BCKDHB: variants seen among roughly 807,000 people sequenced by gnomAD.
The protein encoded by BCKDHB is 2-oxoisovalerate dehydrogenase subunit beta, mitochondrial.
Under a neutral mutation model 48.5 loss-of-function variants are expected in BCKDHB, and 41 were observed. The ratio of observed to expected loss-of-function variants is 0.85; its 90% CI spans 0.66 to 1.10. BCKDHB has a LOEUF of 1.10. Ranked by LOEUF, BCKDHB falls within the 50% of genes least tolerant of loss-of-function variation. The pLI, the probability that BCKDHB is intolerant of heterozygous loss-of-function variation, is 0.00. For missense variants in BCKDHB, 496 were observed against 494.2 expected, an observed-to-expected ratio of 1.00 and a Z score of -0.03; for synonymous variants, 201 against 174.8, an observed-to-expected ratio of 1.15 and a Z score of -1.18.
the BCKDHB span, among the ~76,000 whole-genome samples, chr6:80,399,257 A>G: frequency 6.8e-6 from 1 of 147,562 alleles, no homozygotes; most frequent in Non-Finnish European, 1.5e-5. Context: ...GACCAGAGCA[A>G]TCAGGCAAGA....
intron 9 of BCKDHB, among the ~76,000 whole-genome samples, chr6:80,314,653 T>C (rs1768343435): frequency 6.6e-6 from 1 of 152,178 alleles, no homozygotes; most frequent in African/African-American, 2.4e-5. Flanking sequence ...ACTTTTGCCC[T>C]GGTCAGCTTG....
At chr6:80,135,841 A>G (rs191718714) in intron 3 of BCKDHB, 28 of 152,240 alleles carry the variant, frequency 1.8e-4, no homozygotes, top group African/African-American at 6.0e-4. Flanking sequence ...TTTCTCTCCA[A>G]CAGTCCCTGG....
At chr6:80,143,958 T>C (rs1337529674) in intron 3 of BCKDHB, among the ~76,000 whole-genome samples, 1 of 152,148 alleles carries the variant, frequency 6.6e-6, no homozygotes, top group Non-Finnish European at 1.5e-5. Context: ...TTTCTGGTCT[T>C]TGCCAGCTTG....
intron 6 of BCKDHB, among the ~76,000 whole-genome samples, chr6:80,171,601 CAA>C (rs1215956583): frequency 1.8e-4 from 27 of 151,790 alleles, no homozygotes; most frequent in Non-Finnish European, 2.5e-4. Flanking sequence ...ATTGTGGAAA[CAA>C]AGAGGAAATC....
chr6:80,401,249 T>C, the BCKDHB span, among the ~76,000 whole-genome samples: 3 of 151,868 alleles, frequency 2.0e-5, no homozygotes, highest in Non-Finnish European at 2.9e-5. Flanking sequence ...TAAATAACTT[T>C]ATTGGGGTAT....
rs1269928412 is a variant in BCKDHB at position 80,343,967 on chromosome 6, A to C, written c.*163A>C. ...GAAGAAAATAATGTGCTTTAGAAAAAAAATTCAAATTTATAGTAGTATATT... is the reference window on the plus strand; with the variant it reads ...GAAGAAAATAATGTGCTTTAGAAAACAAATTCAAATTTATAGTAGTATATT... On this transcript the variant is annotated 3_prime_UTR_variant, in exon 10 of 10. Coordinates refer to ENST00000320393, the MANE Select transcript of BCKDHB (RefSeq NM_183050.4). The C allele has an allele frequency of 7.9e-6, 7 of 886,360 alleles. No homozygotes were observed. The highest frequency in any genetic ancestry group is 2.6e-5 in the East Asian group (1 of 37,996). 54.9% of individuals were successfully genotyped at this position (886,360 alleles called of 1,614,324 possible).
chr6:80,173,416 A>G (rs1773008443), intron 6 of BCKDHB, among the ~76,000 whole-genome samples: 1 of 152,168 alleles, frequency 6.6e-6, no homozygotes, highest in African/African-American at 2.4e-5. Context: ...TAGGATAGGA[A>G]AAAAGGGCTA....
intron 3 of BCKDHB, among the ~76,000 whole-genome samples, chr6:80,130,376 T>G (rs549167336): frequency 1.3e-5 from 2 of 152,236 alleles, no homozygotes; most frequent in African/African-American, 4.8e-5. Context: ...AATTGTTGTC[T>G]CTTTTTCTGT....
intron 9 of BCKDHB, among the ~76,000 whole-genome samples, chr6:80,288,887 G>C (rs1766764908): frequency 6.6e-6 from 1 of 152,140 alleles, no homozygotes; most frequent in Non-Finnish European, 1.5e-5. Context: ...GAATGGCTGA[G>C]TAAGTAACAC....
intron 8 of BCKDHB, among the ~76,000 whole-genome samples, chr6:80,235,364 C>G (rs1235801135): frequency 1.3e-5 from 2 of 152,142 alleles, no homozygotes; most frequent in African/African-American, 4.8e-5. Flanking sequence ...ATACTTGCTT[C>G]TTTTTATAAC....
At chr6:80,383,014 A>G in the BCKDHB span, among the ~76,000 whole-genome samples, 25 of 152,220 alleles carry the variant, frequency 1.6e-4, no homozygotes, top group South Asian at 5.0e-3. Context: ...TTTCTCTCTC[A>G]TGTACATGTT....
chr6:80,230,099 C>T lies in BCKDHB; in HGVS notation c.951+26887C>T, dbSNP rs571225554. On this transcript the variant is annotated intron_variant, in intron 8 of 9. Coordinates refer to ENST00000320393, the MANE Select transcript of BCKDHB (RefSeq NM_183050.4). ...TTTCGCCCAAGCTGGACTGCAGTGG[C>T]GCTATCCCGGCTCACTGCAAGCTCC... Among the ~76,000 whole-genome samples, 268 of 126,638 alleles carry T rather than the reference C, an allele frequency of 2.1e-3. 2 individuals are homozygous for T. Among genetic ancestry groups the T allele is most frequent in the African/African-American group, 7.3e-3 (231 of 31,488 alleles). The allele number at this position is 126,638 out of a possible 152,430, so 83.1% of individuals were successfully genotyped here. A position where few individuals can be genotyped will look rare whatever the true frequency, so the allele number is the denominator to read the frequency against.
chr6:80,343,877 C>A lies in BCKDHB; in HGVS notation c.*73C>A. 1 of 1,544,068 alleles carries A rather than the reference C, an allele frequency of 6.5e-7. No individual in the cohort carries two copies. The highest frequency in any genetic ancestry group is 1.7e-5 in the Admixed American group (1 of 59,938). On this transcript the variant is annotated 3_prime_UTR_variant, in exon 10 of 10. Coordinates refer to ENST00000320393, the MANE Select transcript of BCKDHB (RefSeq NM_183050.4). Reference sequence around the variant, plus strand: ...CATTAACGTACTGTTAACCAAGACACAGCAATCATCAGTGTTTTGATGGTA... The same window carrying A: ...CATTAACGTACTGTTAACCAAGACAAAGCAATCATCAGTGTTTTGATGGTA...
At chr6:80,243,472 A>G (rs1199304406) in intron 8 of BCKDHB, among the ~76,000 whole-genome samples, 1 of 152,216 alleles carries the variant, frequency 6.6e-6, no homozygotes, top group African/African-American at 2.4e-5. Context: ...GGATAAAACT[A>G]TATTAAATTA....
At chr6:80,333,117 T>C (rs2128011021) in intron 9 of BCKDHB, among the ~76,000 whole-genome samples, 1 of 152,288 alleles carries the variant, frequency 6.6e-6, no homozygotes, top group Non-Finnish European at 1.5e-5. Context: ...CTCTTTTTCA[T>C]AGGTACAATA....
chr6:80,156,111 C>T (rs1056043157), intron 3 of BCKDHB, among the ~76,000 whole-genome samples: 3 of 151,802 alleles, frequency 2.0e-5, no homozygotes, highest in African/African-American at 4.8e-5. Flanking sequence ...GTTAACCAAC[C>T]CTCTGTGTCC....
intron 3 of BCKDHB, among the ~76,000 whole-genome samples, chr6:80,155,678 TAAAG>T (rs1024415901): frequency 9.9e-5 from 15 of 152,250 alleles, no homozygotes; most frequent in Admixed American, 7.2e-4. Flanking sequence ...TTAATTTACT[TAAAG>T]AACACGTTTT....
intron 8 of BCKDHB, among the ~76,000 whole-genome samples, chr6:80,231,954 G>A (rs1413769912): frequency 6.6e-6 from 1 of 152,196 alleles, no homozygotes; most frequent in Non-Finnish European, 1.5e-5. Flanking sequence ...CACAGGGCGA[G>A]AGTCTGTCTG....
intron 3 of BCKDHB, among the ~76,000 whole-genome samples, chr6:80,142,502 C>G (rs1303100677): frequency 6.6e-6 from 1 of 151,800 alleles, no homozygotes; most frequent in Admixed American, 6.6e-5. Context: ...CTAATAATAC[C>G]TTTTAGAAGG....
Sources: allele counts gnomAD v4.1 joint callset (sites outside exome capture counted in the v4.1 genomes callset), GRCh38; gene constraint gnomAD v4.1.1; transcripts MANE v1.5; gene names NCBI Gene and HGNC (gene_info 2026-07-23, HGNC 2026-07-21).